NFIB: variants seen among roughly 807,000 people sequenced by gnomAD.
NFIB encodes the protein nuclear factor I B, also known as nuclear factor 1 B-type.
In NFIB, 11 loss-of-function variants were observed where a neutral mutation model predicts 61.5. That is an observed-to-expected ratio of 0.18 (90% CI 0.11 to 0.30). NFIB has a LOEUF of 0.30. Among genes scored for constraint, NFIB ranks in the 10% least tolerant of loss-of-function variants. The pLI is 1.00. For synonymous variants in NFIB, 260 were observed against 216.5 expected, an observed-to-expected ratio of 1.20 and a Z score of -1.76; for missense variants, 471 against 608.9, an observed-to-expected ratio of 0.77 and a Z score of 2.38.
At chr9:14,480,398 C>A in the NFIB span, among the ~76,000 whole-genome samples, 2 of 152,130 alleles carry the variant, frequency 1.3e-5, no homozygotes, top group Non-Finnish European at 2.9e-5. Context: ...TATTCAGACT[C>A]CCCTCAAGAG....
chr9:14,457,273 T>G, the NFIB span, among the ~76,000 whole-genome samples: 1 of 152,198 alleles, frequency 6.6e-6, no homozygotes, highest in East Asian at 1.9e-4. Context: ...TTCGCACATT[T>G]TGAATTTTGA....
At position 14,083,185 on chromosome 9, in the gene NFIB, C is replaced by T. The variant is rs966928777; in HGVS notation, c.*5124G>A. On this transcript the variant is annotated 3_prime_UTR_variant, in exon 11 of 11. Coordinates refer to ENST00000380953, the MANE Select transcript of NFIB (RefSeq NM_001190737.2). ...GACCGTCTCCAACTTGTCCCCTTTA[C>T]TATTAACAATGTGACCAACAGATCT... The T allele has an allele frequency of 4.6e-5, 10 of 218,916 alleles. No homozygotes were observed. The highest frequency in any genetic ancestry group is 2.0e-4 in the African/African-American group (9 of 44,496). The allele number at this position is 218,916 out of a possible 1,614,324, so 13.6% of individuals were successfully genotyped here.
intron 2 of NFIB, among the ~76,000 whole-genome samples, chr9:14,194,310 A>T (rs571304236): frequency 2.6e-5 from 4 of 152,310 alleles, no homozygotes; most frequent in Admixed American, 1.3e-4. Context: ...TTATAGTGTG[A>T]CAGGTAAGCT....
the NFIB span, among the ~76,000 whole-genome samples, chr9:14,468,756 A>G: frequency 6.6e-6 from 1 of 152,240 alleles, no homozygotes; most frequent in South Asian, 2.1e-4. Context: ...GGTGTTCTAC[A>G]TACATATTTT....
intron 2 of NFIB, among the ~76,000 whole-genome samples, chr9:14,268,410 C>T (rs147570444): frequency 1.6e-4 from 25 of 152,236 alleles, no homozygotes; most frequent in African/African-American, 5.3e-4. Flanking sequence ...TCCTCCACTT[C>T]GCCTACACAG....
chr9:14,109,403 C>A (rs116996530), intron 10 of NFIB, among the ~76,000 whole-genome samples: 1 of 151,796 alleles, frequency 6.6e-6, no homozygotes, highest in African/African-American at 2.4e-5. Flanking sequence ...GAAGTTAAGT[C>A]GGGGCGGGGG....
At chr9:14,516,094 G>A in the NFIB span, among the ~76,000 whole-genome samples, 4 of 152,210 alleles carry the variant, frequency 2.6e-5, no homozygotes, top group South Asian at 2.1e-4. Context: ...CACAGCAGCC[G>A]AGCTGCCCAG....
chr9:14,365,198 A>G (rs2061286254), intron 1 of NFIB, among the ~76,000 whole-genome samples: 1 of 152,314 alleles, frequency 6.6e-6, no homozygotes, highest in African/African-American at 2.4e-5. Flanking sequence ...TGCTGCTAAA[A>G]AATAAATTTC....
upstream of NFIB, among the ~76,000 whole-genome samples, chr9:14,316,195 T>C (rs2060535787): frequency 2.6e-5 from 4 of 152,200 alleles, no homozygotes; most frequent in African/African-American, 9.7e-5. Context: ...AAGTCAACCA[T>C]GAAATGGTCA....
chr9:14,183,940 T>C (rs540063543), intron 2 of NFIB, among the ~76,000 whole-genome samples: 4 of 152,314 alleles, frequency 2.6e-5, no homozygotes, highest in Non-Finnish European at 4.4e-5. Flanking sequence ...TAAATTACTA[T>C]ATTTTAAACT....
the NFIB span, among the ~76,000 whole-genome samples, chr9:14,450,659 C>G: frequency 6.6e-6 from 1 of 152,312 alleles, no homozygotes; most frequent in South Asian, 2.1e-4. Flanking sequence ...TCCCCCCGCA[C>G]CACAAACTCA....
At chr9:14,280,454 A>G (rs1405157701) in intron 2 of NFIB, among the ~76,000 whole-genome samples, 1 of 152,122 alleles carries the variant, frequency 6.6e-6, no homozygotes, top group Non-Finnish European at 1.5e-5. Flanking sequence ...TATCCTAATC[A>G]TTTTTTAAAT....
chr9:14,499,406 G>A, the NFIB span, among the ~76,000 whole-genome samples: 89 of 152,204 alleles, frequency 5.8e-4, no homozygotes, highest in Admixed American at 1.4e-3. Context: ...GTGAGGTGGC[G>A]TCTCACATGG....
At chr9:14,192,755 T>C (rs1221732672) in intron 2 of NFIB, among the ~76,000 whole-genome samples, 3 of 152,228 alleles carry the variant, frequency 2.0e-5, no homozygotes, top group African/African-American at 7.2e-5. Flanking sequence ...AGATTCCTAC[T>C]GATGCTAATG....
At chr9:14,371,606 A>T (rs2061359467) in intron 1 of NFIB, among the ~76,000 whole-genome samples, 1 of 152,240 alleles carries the variant, frequency 6.6e-6, no homozygotes, top group Non-Finnish European at 1.5e-5. Context: ...GTTTGCCTGT[A>T]ACAGTATTTA....
At chr9:14,490,062 T>C in the NFIB span, among the ~76,000 whole-genome samples, 1 of 152,156 alleles carries the variant, frequency 6.6e-6, no homozygotes, top group South Asian at 2.1e-4. Flanking sequence ...TAGAAATGGG[T>C]CATTTGTAAT....
chr9:14,177,806 G>C (rs994541314), intron 3 of NFIB, among the ~76,000 whole-genome samples: 1 of 152,104 alleles, frequency 6.6e-6, no homozygotes, highest in Non-Finnish European at 1.5e-5. Context: ...GGTTGTTTTT[G>C]TTTGCCATGT....
intron 2 of NFIB, among the ~76,000 whole-genome samples, chr9:14,266,886 TTTAA>T (rs1292721400): frequency 6.6e-6 from 1 of 152,220 alleles, no homozygotes. Flanking sequence ...GACTTAATAC[TTTAA>T]TTAATCAAAA....
Position 14,125,615 on chromosome 9 carries a change from T to C in NFIB, c.1060+17A>G. 6.2e-7 allele frequency: 1 copy of C among 1,613,744 alleles called. No individual in the cohort carries two copies. The highest frequency in any genetic ancestry group is 8.5e-7 in the Non-Finnish European group (1 of 1,179,864). On this transcript the variant is annotated intron_variant, in intron 7 of 10. Coordinates refer to ENST00000380953, the MANE Select transcript of NFIB (RefSeq NM_001190737.2). ...AGACAAGAAGGAGGCTTCTCCTCTA[T>C]GCTTGAAACTCCTCACCACTGTGTG...
Sources: gnomAD v4.1 joint callset for allele counts (sites outside exome capture counted in the v4.1 genomes callset) on GRCh38, gnomAD v4.1.1 for gene constraint, MANE v1.5 for transcripts, NCBI Gene and HGNC (gene_info 2026-07-23, HGNC 2026-07-21) for gene names.